FGF12: variants seen among roughly 807,000 people sequenced by gnomAD.
The protein encoded by FGF12 is fibroblast growth factor 12, also known as fibroblast growth factor 12B.
Under a neutral mutation model 23.6 loss-of-function variants are expected in FGF12, and 14 were observed. The observed-to-expected ratio is 0.59, with a 90% CI of 0.39 to 0.93. The LOEUF (loss-of-function observed/expected upper bound fraction) is 0.93, where lower values mean the gene tolerates loss of function less well. FGF12 is among the 40% of genes least tolerant of loss of function. The pLI is 0.00. For synonymous variants in FGF12, 62 were observed against 77.3 expected, an observed-to-expected ratio of 0.80 and a Z score of 1.04; for missense variants, 175 against 217.8, an observed-to-expected ratio of 0.80 and a Z score of 1.24.
chr3:192,601,809 A>C (rs531861221), intron 2 of FGF12, among the ~76,000 whole-genome samples: 1 of 152,296 alleles, frequency 6.6e-6, no homozygotes, highest in South Asian at 2.1e-4. Context: ...ATTCTTTATA[A>C]TACCTACTAC....
intron 4 of FGF12, among the ~76,000 whole-genome samples, chr3:192,215,497 C>T (rs1408167416): frequency 6.6e-6 from 1 of 152,172 alleles, no homozygotes; most frequent in African/African-American, 2.4e-5. Context: ...TTATCTGTAG[C>T]ATTGGGCCCA....
At chr3:192,201,148 G>A (rs182434239) in intron 4 of FGF12, among the ~76,000 whole-genome samples, 1 of 152,338 alleles carries the variant, frequency 6.6e-6, no homozygotes, top group African/African-American at 2.4e-5. Context: ...ATGAGATGAT[G>A]TATGAATATG....
chr3:192,364,107 C>A (rs1718864461), intron 2 of FGF12, among the ~76,000 whole-genome samples: 1 of 152,120 alleles, frequency 6.6e-6, no homozygotes, highest in East Asian at 1.9e-4. Context: ...GCAAGGAAAC[C>A]AGAGAAAGGG....
intron 2 of FGF12, among the ~76,000 whole-genome samples, chr3:192,601,583 GAAAA>G (rs911703076): frequency 6.6e-6 from 1 of 150,890 alleles, no homozygotes; most frequent in Non-Finnish European, 1.5e-5. Context: ...GCTTAGAAAA[GAAAA>G]AAAAAGTCAC....
intron 2 of FGF12, among the ~76,000 whole-genome samples, chr3:192,444,793 T>C (rs772419371): frequency 1.3e-5 from 2 of 152,218 alleles, no homozygotes; most frequent in Non-Finnish European, 2.9e-5. Flanking sequence ...TATTTTTAAA[T>C]GGCTTGAACA....
At chr3:192,726,876 C>T in intron 2 of FGF12, 1 of 456,588 alleles carries the variant, frequency 2.2e-6, no homozygotes, top group South Asian at 4.6e-5. Flanking sequence ...AAAGATATTG[C>T]TTTACTAACA....
chr3:192,580,597 T>C (rs1225739791), intron 2 of FGF12, among the ~76,000 whole-genome samples: 1 of 152,086 alleles, frequency 6.6e-6, no homozygotes, highest in African/African-American at 2.4e-5. Context: ...GATTTTTTTG[T>C]TGTTGTTGTT....
At chr3:192,454,310 T>C (rs901646693) in intron 2 of FGF12, among the ~76,000 whole-genome samples, 5 of 152,134 alleles carry the variant, frequency 3.3e-5, no homozygotes, top group African/African-American at 9.7e-5. Flanking sequence ...AGTGCTGGGA[T>C]TTCAGGCATG....
At chr3:192,494,729 T>C (rs1723895874) in intron 2 of FGF12, among the ~76,000 whole-genome samples, 1 of 152,174 alleles carries the variant, frequency 6.6e-6, no homozygotes. Flanking sequence ...GTGATTTATT[T>C]AATATGTGGG....
intron 4 of FGF12, among the ~76,000 whole-genome samples, chr3:192,318,912 T>C (rs2177816): frequency 0.3 from 45,753 of 151,890 alleles, 10,169 homozygotes; most frequent in African/African-American, 0.62. Context: ...CAGTGGAAAC[T>C]TTACAGGCCA....
chr3:192,459,388 T>A (rs1722783490), intron 2 of FGF12, among the ~76,000 whole-genome samples: 1 of 152,212 alleles, frequency 6.6e-6, no homozygotes, highest in Non-Finnish European at 1.5e-5. Flanking sequence ...TCAAAAGAAT[T>A]GCCTGGTATT....
chr3:192,611,350 C>A (rs1714542678), intron 2 of FGF12, among the ~76,000 whole-genome samples: 2 of 152,018 alleles, frequency 1.3e-5, no homozygotes, highest in Non-Finnish European at 2.9e-5. Flanking sequence ...GAAAAGGAGG[C>A]TGTTATCAGG....
Position 192,139,967 on chromosome 3 carries a change from T to A in FGF12, c.*4042A>T, listed in dbSNP as rs994535679. On this transcript the variant is annotated 3_prime_UTR_variant, in exon 6 of 6. Transcript: ENST00000445105. ...AACTTTTTGTAACTAAAAAATAATT[T>A]CCTGTGCATCACAAGGGGGATTAAA... 2 of 152,052 alleles carry A rather than the reference T, an allele frequency of 1.3e-5. No individual in the cohort carries two copies. The highest frequency in any genetic ancestry group is 4.8e-5 in the African/African-American group (2 of 41,438). 9.4% of individuals were successfully genotyped at this position (152,052 alleles called of 1,614,324 possible).
At chr3:192,213,578 C>A (rs1254681018) in intron 4 of FGF12, among the ~76,000 whole-genome samples, 1 of 152,096 alleles carries the variant, frequency 6.6e-6, no homozygotes, top group East Asian at 1.9e-4. Flanking sequence ...CTGAGATCGC[C>A]CAGCTTAGAA....
At chr3:192,340,148 G>C (rs571241904) in intron 3 of FGF12, among the ~76,000 whole-genome samples, 2 of 152,060 alleles carry the variant, frequency 1.3e-5, no homozygotes, top group African/African-American at 4.8e-5. Context: ...TGCTTGGAAT[G>C]TCACTCTCCC....
chr3:192,372,652 G>A (rs1719289582), intron 2 of FGF12, among the ~76,000 whole-genome samples: 2 of 152,062 alleles, frequency 1.3e-5, no homozygotes, highest in East Asian at 1.9e-4. Flanking sequence ...TCAGGCCATC[G>A]AGTGCTCTGG....
intron 5 of FGF12, among the ~76,000 whole-genome samples, chr3:192,166,108 T>G (rs1404720611): frequency 6.6e-6 from 1 of 152,174 alleles, no homozygotes; most frequent in Admixed American, 6.6e-5. Flanking sequence ...GGTTTCAATG[T>G]CCAGTGGATT....
intron 4 of FGF12, among the ~76,000 whole-genome samples, chr3:192,331,209 T>C (rs545353093): frequency 6.6e-6 from 1 of 150,436 alleles, no homozygotes; most frequent in South Asian, 2.1e-4. Context: ...AAACAAAAAG[T>C]ATCAAGTGTT....
At chr3:192,195,701 C>T (rs751496466) in intron 4 of FGF12, among the ~76,000 whole-genome samples, 1 of 152,066 alleles carries the variant, frequency 6.6e-6, no homozygotes, top group African/African-American at 2.4e-5. Flanking sequence ...TACATATACA[C>T]ATTTCACAAT....
Sources: gnomAD v4.1 joint callset for allele counts (sites outside exome capture counted in the v4.1 genomes callset) on GRCh38, gnomAD v4.1.1 for gene constraint, MANE v1.5 for transcripts, NCBI Gene and HGNC (gene_info 2026-07-23, HGNC 2026-07-21) for gene names.